Variants in EXOC6B observed in about 807,000 individuals in gnomAD.
EXOC6B encodes the protein SEC15 homolog B.
Under a neutral mutation model 113.5 loss-of-function variants are expected in EXOC6B, and 54 were observed. That is an observed-to-expected ratio of 0.48 (90% CI 0.38 to 0.60). The LOEUF (loss-of-function observed/expected upper bound fraction) is 0.60, where lower values mean the gene tolerates loss of function less well. EXOC6B is among the 20% of genes least tolerant of loss of function. The probability of loss-of-function intolerance (pLI) is 0.00; values close to 1 mark genes in which losing one functional copy is unlikely to be tolerated. For missense variants in EXOC6B, 797 were observed against 977.5 expected (o/e 0.82, Z 2.46); for synonymous variants, 357 against 339.0 (o/e 1.05, Z -0.58).
intron 18 of EXOC6B, among the ~76,000 whole-genome samples, chr2:72,444,427 G>A (rs756818511): frequency 2.0e-5 from 3 of 152,194 alleles, no homozygotes; most frequent in Non-Finnish European, 4.4e-5. Flanking sequence ...GAGGATGATG[G>A]CCCTCCTCTC....
At chr2:72,484,885 A>AT (rs1200334020) in intron 16 of EXOC6B, among the ~76,000 whole-genome samples, 4 of 152,186 alleles carry the variant, frequency 2.6e-5, no homozygotes, top group Non-Finnish European at 5.9e-5. Context: ...TTGCTACTGT[A>AT]AATAGTGCTG....
chr2:72,762,934 G>A (rs1682829361), intron 1 of EXOC6B, among the ~76,000 whole-genome samples: 1 of 151,974 alleles, frequency 6.6e-6, no homozygotes, highest in African/African-American at 2.4e-5. Flanking sequence ...TTTAAGGATT[G>A]TATGTTATAT....
At chr2:72,179,601 C>T in intron 21 of EXOC6B, 140 bp from the exon 22 acceptor site, 2 of 941,002 alleles carry the variant, frequency 2.1e-6, no homozygotes, top group Admixed American at 2.1e-5. Flanking sequence ...CACTGTCAGG[C>T]CCACACTCAC....
intron 18 of EXOC6B, among the ~76,000 whole-genome samples, chr2:72,388,234 A>G (rs762086765): frequency 6.6e-6 from 1 of 152,202 alleles, no homozygotes; most frequent in Non-Finnish European, 1.5e-5. Flanking sequence ...ACAAATTGTG[A>G]TAAGTAGTGT....
At chr2:72,472,833 T>C (rs1463826862) in intron 17 of EXOC6B, among the ~76,000 whole-genome samples, 1 of 152,176 alleles carries the variant, frequency 6.6e-6, no homozygotes, top group East Asian at 1.9e-4. Flanking sequence ...GAACTTCCCT[T>C]TTAGTACTGC....
chr2:72,554,947 G>A (rs537089519), intron 8 of EXOC6B, among the ~76,000 whole-genome samples: 23 of 150,968 alleles, frequency 1.5e-4, no homozygotes, highest in African/African-American at 3.6e-4. Flanking sequence ...GATGTTCCCC[G>A]CCCTGTGTCC....
intron 20 of EXOC6B, among the ~76,000 whole-genome samples, chr2:72,315,166 G>A (rs951504928): frequency 6.6e-6 from 1 of 152,142 alleles, no homozygotes; most frequent in African/African-American, 2.4e-5. Flanking sequence ...ACCTGAACAA[G>A]ATGAAGGAAC....
intron 18 of EXOC6B, among the ~76,000 whole-genome samples, chr2:72,399,671 A>G (rs1162922379): frequency 6.6e-6 from 1 of 152,184 alleles, no homozygotes; most frequent in East Asian, 1.9e-4. Context: ...AACCAAATTA[A>G]TAACTCAATC....
At chr2:72,823,968 G>C (rs1455280865) in intron 1 of EXOC6B, among the ~76,000 whole-genome samples, 1 of 152,126 alleles carries the variant, frequency 6.6e-6, no homozygotes, top group Non-Finnish European at 1.5e-5. Flanking sequence ...TGACCCTTAA[G>C]AGCTGAAGAA....
At chr2:72,282,819 A>G (rs1043375315) in intron 20 of EXOC6B, among the ~76,000 whole-genome samples, 2 of 152,182 alleles carry the variant, frequency 1.3e-5, no homozygotes, top group Non-Finnish European at 2.9e-5. Context: ...TTAAAAAAGG[A>G]ATATCACAAT....
Position 72,782,009 on chromosome 2 carries a change from G to A in EXOC6B, c.114-40540C>T, listed in dbSNP as rs546369112. ...CAAAAAATTAGCTGTGCATGGTGGT[G>A]AGCACCTGTAATCCCAGCTACTCAA... On this transcript the variant is annotated intron_variant, in intron 1 of 21. Coordinates refer to ENST00000272427, the MANE Select transcript of EXOC6B (RefSeq NM_015189.3). 2.3e-3 allele frequency among the ~76,000 whole-genome samples: 354 copies of A among 151,784 alleles called. 1 individual carries two copies. Among genetic ancestry groups the A allele is most frequent in the African/African-American group, 8.0e-3 (332 of 41,402 alleles).
At chr2:72,344,807 A>C (rs1689230190) in intron 19 of EXOC6B, among the ~76,000 whole-genome samples, 1 of 151,982 alleles carries the variant, frequency 6.6e-6, no homozygotes, top group South Asian at 2.1e-4. Flanking sequence ...GGGAAAAAGA[A>C]AAAAAAATGA....
At chr2:72,476,060 C>A (rs1698720999) in intron 17 of EXOC6B, among the ~76,000 whole-genome samples, 1 of 152,164 alleles carries the variant, frequency 6.6e-6, no homozygotes, top group African/African-American at 2.4e-5. Flanking sequence ...CTGCTTAGGT[C>A]TCATGGAATG....
chr2:72,241,111 GT>G (rs1406794512), intron 20 of EXOC6B, among the ~76,000 whole-genome samples: 1 of 152,174 alleles, frequency 6.6e-6, no homozygotes, highest in African/African-American at 2.4e-5. Flanking sequence ...TATGCTAAGG[GT>G]TCTAGTGGAA....
At chr2:72,807,046 T>A (rs1685620588) in intron 1 of EXOC6B, among the ~76,000 whole-genome samples, 1 of 152,190 alleles carries the variant, frequency 6.6e-6, no homozygotes, top group Non-Finnish European at 1.5e-5. Context: ...ATTTGTCAAT[T>A]TTTGTTTTCA....
At chr2:72,428,462 C>T (rs938583735) in intron 18 of EXOC6B, among the ~76,000 whole-genome samples, 3 of 152,204 alleles carry the variant, frequency 2.0e-5, no homozygotes, top group Non-Finnish European at 4.4e-5. Context: ...AGAGCTGGAA[C>T]CCATGCCAGC....
At chr2:72,438,899 C>G (rs984601342) in intron 18 of EXOC6B, among the ~76,000 whole-genome samples, 4 of 152,022 alleles carry the variant, frequency 2.6e-5, no homozygotes, top group African/African-American at 7.2e-5. Flanking sequence ...TTTACTAAAG[C>G]CTAATTTTAC....
intron 6 of EXOC6B, among the ~76,000 whole-genome samples, chr2:72,669,312 C>T (rs1260978209): frequency 6.6e-5 from 10 of 150,892 alleles, no homozygotes; most frequent in Admixed American, 3.3e-4. Context: ...TACCCAATAT[C>T]GAATTAGTCA....
intron 6 of EXOC6B, among the ~76,000 whole-genome samples, chr2:72,633,658 C>T (rs534755440): frequency 2.0e-5 from 3 of 152,236 alleles, no homozygotes; most frequent in African/African-American, 7.2e-5. Flanking sequence ...AACATAGGCA[C>T]ATATGTAAAT....
Sources: allele counts gnomAD v4.1 joint callset (sites outside exome capture counted in the v4.1 genomes callset), GRCh38; gene constraint gnomAD v4.1.1; transcripts MANE v1.5; gene names NCBI Gene and HGNC (gene_info 2026-07-23, HGNC 2026-07-21).